Variants in C11orf65 observed in about 807,000 individuals in gnomAD.
C11orf65 encodes the protein protein MFI.
Under a neutral mutation model 35.3 loss-of-function variants are expected in C11orf65, and 38 were observed. The observed-to-expected ratio is 1.08, with a 90% CI of 0.83 to 1.41. C11orf65 has a LOEUF of 1.41. Among genes scored for constraint, C11orf65 ranks in the 40% most tolerant of loss-of-function variants. The pLI is 0.00. For synonymous variants in C11orf65, 105 were observed against 114.4 expected (o/e 0.92, Z 0.53); for missense variants, 370 against 367.1 (o/e 1.01, Z -0.06).
At chr11:108,376,317 A>T (rs2091725524) in intron 2 of C11orf65, among the ~76,000 whole-genome samples, 2 of 152,144 alleles carry the variant, frequency 1.3e-5, no homozygotes, top group Admixed American at 1.3e-4. Flanking sequence ...AGAACTCAGG[A>T]TTAAGAATCT....
intron 2 of C11orf65, among the ~76,000 whole-genome samples, chr11:108,452,847 G>A (rs1028566861): frequency 2.0e-5 from 3 of 151,906 alleles, no homozygotes; most frequent in South Asian, 4.1e-4. Flanking sequence ...CATGTCCTTC[G>A]TAGGGACATG....
chr11:108,339,734 A>G (rs952215842), intron 2 of C11orf65, among the ~76,000 whole-genome samples: 2 of 152,130 alleles, frequency 1.3e-5, no homozygotes, highest in African/African-American at 4.8e-5. Flanking sequence ...TAAGGGTTTG[A>G]TTCCCCCTCC....
At chr11:108,421,183 C>T (rs1390093776) in intron 3 of C11orf65, among the ~76,000 whole-genome samples, 11 of 152,132 alleles carry the variant, frequency 7.2e-5, no homozygotes, top group Non-Finnish European at 8.8e-5. Flanking sequence ...CAGCTTCATT[C>T]TACCTAGATT....
intron 2 of C11orf65, among the ~76,000 whole-genome samples, chr11:108,357,070 G>T (rs946866641): frequency 6.6e-6 from 1 of 152,238 alleles, no homozygotes; most frequent in Non-Finnish European, 1.5e-5. Flanking sequence ...GACAGTGGGC[G>T]CAGGTCAGTG....
At chr11:108,314,866 T>A (rs1410049050) in intron 6 of C11orf65, among the ~76,000 whole-genome samples, 4 of 152,234 alleles carry the variant, frequency 2.6e-5, no homozygotes, top group Non-Finnish European at 5.9e-5. Flanking sequence ...GTACTGTGTT[T>A]ATCAATACCG....
At chr11:108,311,220 CCACCT>C (rs1157343193) in intron 6 of C11orf65, among the ~76,000 whole-genome samples, 8 of 152,100 alleles carry the variant, frequency 5.3e-5, no homozygotes, top group Admixed American at 1.3e-4. Flanking sequence ...AGCAGTCCTC[CCACCT>C]CAGCCTTTCA....
At chr11:108,451,876 G>A (rs1479817214) in intron 2 of C11orf65, among the ~76,000 whole-genome samples, 3 of 152,274 alleles carry the variant, frequency 2.0e-5, no homozygotes, top group East Asian at 3.9e-4. Flanking sequence ...TCTGATCTTT[G>A]ACAAACCTGA....
chr11:108,437,596 C>T (rs548459827), intron 2 of C11orf65, among the ~76,000 whole-genome samples: 21 of 148,082 alleles, frequency 1.4e-4, no homozygotes, highest in Admixed American at 1.4e-4. Flanking sequence ...CCCAGCTACT[C>T]GGGAGGCTGA....
intron 6 of C11orf65, among the ~76,000 whole-genome samples, chr11:108,399,567 T>A (rs1457956757): frequency 6.6e-6 from 1 of 152,152 alleles, no homozygotes; most frequent in Non-Finnish European, 1.5e-5. Flanking sequence ...TTCCCCCCTG[T>A]TAACTTGTCA....
At chr11:108,319,911 G>A (rs2136216955) in intron 6 of C11orf65, 1 of 1,384,272 alleles carries the variant, frequency 7.2e-7, no homozygotes, top group Non-Finnish European at 1.0e-6. Context: ...ATATCTTAGG[G>A]TTCTGTTTTT....
intron 2 of C11orf65, among the ~76,000 whole-genome samples, chr11:108,454,296 A>G (rs1400506526): frequency 7.0e-6 from 1 of 143,578 alleles, no homozygotes; most frequent in Non-Finnish European, 1.5e-5. Flanking sequence ...TATTTATTTG[A>G]GTCTTCTTTT....
chr11:108,326,324 G>A, intron 6 of C11orf65: 1 of 1,414,086 alleles, frequency 7.1e-7, no homozygotes, highest in Non-Finnish European at 9.6e-7. Context: ...TTAGAGCCTT[G>A]AAATTAGTAA....
downstream of C11orf65, chr11:108,328,958 G>A (rs758464186): frequency 2.4e-5 from 36 of 1,473,690 alleles, no homozygotes; most frequent in Non-Finnish European, 3.3e-5. Context: ...CTTAATTTGA[G>A]TGATTCTTTA....
At chr11:108,450,395 C>G (rs993558355) in intron 2 of C11orf65, among the ~76,000 whole-genome samples, 1 of 151,584 alleles carries the variant, frequency 6.6e-6, no homozygotes, top group African/African-American at 2.4e-5. Flanking sequence ...CAACGATAGA[C>G]TGGATTAAGA....
At position 108,394,681 on chromosome 11, in the gene C11orf65, C is replaced by A. The variant is rs2092261491; in HGVS notation, c.561-1303G>T. On this transcript the variant is annotated intron_variant, in intron 6 of 8. Coordinates refer to ENST00000393084, the MANE Select transcript of C11orf65 (RefSeq NM_152587.5). ...GGGTCACCTATTATGAAGTTGTATT[C>A]ATTTATTAATTCAACACTCATTGAT... 2.0e-5 allele frequency among the ~76,000 whole-genome samples: 3 copies of A among 146,724 alleles called. No individual in the cohort carries two copies. In the Admixed American group the frequency reaches 2.1e-4, roughly 10 times the overall value.
At chr11:108,330,370 T>C (rs1555123227), downstream of C11orf65, 4 of 1,614,178 alleles carry the variant, frequency 2.5e-6, no homozygotes, top group Non-Finnish European at 3.4e-6. Flanking sequence ...TCCGACTTTG[T>C]TCCCTCTGGC....
intron 3 of C11orf65, among the ~76,000 whole-genome samples, chr11:108,422,361 T>C (rs1238860838): frequency 1.3e-5 from 2 of 152,238 alleles, no homozygotes; most frequent in African/African-American, 4.8e-5. Flanking sequence ...TGGAGTGTTT[T>C]CTTGAAAAAG....
At chr11:108,402,244 C>T (rs1021691935) in intron 6 of C11orf65, among the ~76,000 whole-genome samples, 10 of 152,104 alleles carry the variant, frequency 6.6e-5, no homozygotes, top group South Asian at 2.1e-4. Flanking sequence ...AGAAAAGGGC[C>T]GCTTCCCTCA....
intron 3 of C11orf65, chr11:108,332,667 T>C (rs2086388521): frequency 7.7e-7 from 1 of 1,302,796 alleles, no homozygotes; most frequent in Non-Finnish European, 1.1e-6. Context: ...TCTAGATTTG[T>C]GCATAAATTC....
Sources: gnomAD v4.1 joint callset for allele counts (sites outside exome capture counted in the v4.1 genomes callset) on GRCh38, gnomAD v4.1.1 for gene constraint, MANE v1.5 for transcripts, NCBI Gene and HGNC (gene_info 2026-07-23, HGNC 2026-07-21) for gene names.